The following SH3YL1 variants were observed in gnomAD, a reference collection of about 807,000 sequenced individuals.
SH3YL1 encodes the protein SH3 and SYLF domain containing 1.
Under a neutral mutation model 45.8 loss-of-function variants are expected in SH3YL1, and 41 were observed. That is an observed-to-expected ratio of 0.89 (90% CI 0.70 to 1.16). SH3YL1 has a LOEUF of 1.16. SH3YL1 is among the 50% of genes most tolerant of loss of function. The pLI, the probability that SH3YL1 is intolerant of heterozygous loss-of-function variation, is 0.00. For synonymous variants in SH3YL1, 152 were observed against 151.4 expected, an observed-to-expected ratio of 1.00 and a Z score of -0.03; for missense variants, 389 against 409.6, an observed-to-expected ratio of 0.95 and a Z score of 0.43.
chr2:234,726 C>T (rs1339283667), intron 4 of SH3YL1, among the ~76,000 whole-genome samples: 1 of 152,140 alleles, frequency 6.6e-6, no homozygotes, highest in Admixed American at 6.6e-5. Flanking sequence ...GCTGAAGGTC[C>T]TGAGAGCCTT....
In SH3YL1 at chr2:229,977, G is replaced by C. The variant is rs778782376; in HGVS notation, c.770C>G (p.Ser257Cys). The C allele has an allele frequency of 2.5e-6, 4 of 1,612,444 alleles. No individual in the cohort carries two copies. Among genetic ancestry groups the C allele is most frequent in the South Asian group, 1.1e-5 (1 of 90,884 alleles). Residue 257 changes from serine (S) to cysteine (C), a missense_variant, in exon 8 of 10, where the codon TCT (serine) becomes TGT (cysteine). Coordinates refer to ENST00000356150, the MANE Select transcript of SH3YL1 (RefSeq NM_015677.4). ...ACAAAAATATTTACTTTGAGAGCCA[G>C]AGTTCAGCTGGACTGGTGCAGATGA... ...QQSSAPVQLN[S>C]GSQSNRNEYK... is the part of the protein sequence containing the mutation.
At chr2:234,547 CA>C (rs1668201740) in intron 4 of SH3YL1, among the ~76,000 whole-genome samples, 1 of 152,196 alleles carries the variant, frequency 6.6e-6, no homozygotes, top group African/African-American at 2.4e-5. Context: ...ATCTTCCACA[CA>C]ACCTGGTCAT....
chr2:228,246 G>A (rs1433793634), intron 8 of SH3YL1, among the ~76,000 whole-genome samples: 2 of 152,090 alleles, frequency 1.3e-5, no homozygotes, highest in African/African-American at 2.4e-5. Flanking sequence ...AAATGGGGAG[G>A]GCACTGCCCA....
intron 1 of SH3YL1, among the ~76,000 whole-genome samples, chr2:253,625 G>A (rs768351294): frequency 2.0e-5 from 3 of 152,134 alleles, no homozygotes; most frequent in Non-Finnish European, 2.9e-5. Context: ...AATCCACTCC[G>A]TGTTTAGCAT....
chr2:236,872 C>G (rs1260743741), intron 4 of SH3YL1, among the ~76,000 whole-genome samples: 2 of 152,124 alleles, frequency 1.3e-5, no homozygotes, highest in African/African-American at 2.4e-5. Flanking sequence ...CAATTTGAAT[C>G]ATTTTATGAA....
chr2:218,605 T>C lies in SH3YL1; in HGVS notation c.*206A>G, dbSNP rs1251336023. The C allele has an allele frequency of 1.9e-6, 1 of 520,560 alleles. No individual in the cohort carries two copies. The highest frequency in any genetic ancestry group is 1.9e-5 in the African/African-American group (1 of 52,178). The allele number at this position is 520,560 out of a possible 1,614,324, so 32.2% of individuals were successfully genotyped here. On this transcript the variant is annotated 3_prime_UTR_variant, in exon 10 of 10. Transcript: ENST00000356150. ...AACTGTATGATATTCTATGACACAGTAAGTGTGATAAAGTTAGTACAAAGT... is the reference window on the plus strand; with the variant it reads ...AACTGTATGATATTCTATGACACAGCAAGTGTGATAAAGTTAGTACAAAGT...
rs1278989735 is a variant in SH3YL1, at chr2:262,857, A to G, written c.1+1127T>C. 5.1e-5 allele frequency: 25 copies of G among 490,826 alleles called. No individual in the cohort carries two copies. The South Asian group carries it at 5.6e-4, about 11-fold the overall frequency. 30.4% of individuals were successfully genotyped at this position (490,826 alleles called of 1,614,324 possible). On this transcript the variant is annotated intron_variant, in intron 1 of 9. Transcript: ENST00000356150. ...ATTTTAAACTTTTTTTTAACTTACA[A>G]AAGATGAGGGGTAACATTTACTAGT...
At chr2:257,491 T>A (rs1178523884) in intron 1 of SH3YL1, among the ~76,000 whole-genome samples, 2 of 152,134 alleles carry the variant, frequency 1.3e-5, no homozygotes, top group African/African-American at 2.4e-5. Context: ...AACTTAGGAG[T>A]ATGCATCTGT....
intron 1 of SH3YL1, chr2:263,669 C>T: frequency 2.9e-6 from 1 of 344,140 alleles, no homozygotes; most frequent in Non-Finnish European, 5.3e-6. Flanking sequence ...TTCTGTGGAA[C>T]GGAAGGATGG....
In SH3YL1 at chr2:229,723, C is replaced by T. The variant is rs7597084; in HGVS notation, c.781+243G>A. Among the ~76,000 whole-genome samples, 709 of 103,038 alleles carry T rather than the reference C, an allele frequency of 6.9e-3. 13 individuals are homozygous for T. Among genetic ancestry groups the T allele is most frequent in the African/African-American group, 0.024 (667 of 27,960 alleles). 67.6% of individuals were successfully genotyped at this position (103,038 alleles called of 152,430 possible). A position where few individuals can be genotyped will look rare whatever the true frequency, so the allele number is the denominator to read the frequency against. On this transcript the variant is annotated intron_variant, in intron 8 of 9. Transcript: ENST00000356150. ...CAGCCTGGGCGACAGAGCGAGACTC[C>T]GTCTCAAAAAAAAAAAAAAAAAAAA...
At chr2:224,409 G>C (rs1667706841) in intron 9 of SH3YL1, among the ~76,000 whole-genome samples, 1 of 152,198 alleles carries the variant, frequency 6.6e-6, no homozygotes, top group Non-Finnish European at 1.5e-5. Context: ...GAATAAGGAT[G>C]AAATTGTAAT....
intron 4 of SH3YL1, chr2:242,865 T>G: frequency 6.7e-7 from 1 of 1,502,370 alleles, no homozygotes; most frequent in African/African-American, 1.4e-5. Context: ...AAAGCTGGAG[T>G]GGCACTCTTT....
chr2:225,030 A>G, intron 8 of SH3YL1, 110 bp from the exon 9 acceptor site: 2 of 794,666 alleles, frequency 2.5e-6, no homozygotes, highest in East Asian at 4.9e-5. Context: ...TTAAATCACT[A>G]AGTTGATAGG....
chr2:230,950 A>G (rs771326670), intron 7 of SH3YL1, 73 bp downstream of exon 7: 8 of 1,466,488 alleles, frequency 5.5e-6, no homozygotes, highest in South Asian at 2.3e-5. Flanking sequence ...TAGGAACCTG[A>G]TATCAGGGAC....
At chr2:250,130 GCTAT>G (rs760421995) in intron 2 of SH3YL1, among the ~76,000 whole-genome samples, 1 of 152,116 alleles carries the variant, frequency 6.6e-6, no homozygotes, top group Non-Finnish European at 1.5e-5. Flanking sequence ...AGATTTTATT[GCTAT>G]CTATTAGCAG....
chr2:231,359 T>C (rs1366318460), intron 6 of SH3YL1, among the ~76,000 whole-genome samples, 168 bp from the exon 7 acceptor site: 1 of 152,188 alleles, frequency 6.6e-6, no homozygotes, highest in Non-Finnish European at 1.5e-5. Context: ...TGTTCAAGTC[T>C]TAAATGTACC....
intron 5 of SH3YL1, 147 bp downstream of exon 5, chr2:234,013 C>T: frequency 5.0e-6 from 3 of 595,624 alleles, no homozygotes; most frequent in East Asian, 2.9e-5. Context: ...TGTGAATTTC[C>T]TATTTGTGAT....
At chr2:238,782 T>C (rs900477782) in intron 4 of SH3YL1, among the ~76,000 whole-genome samples, 1 of 152,202 alleles carries the variant, frequency 6.6e-6, no homozygotes, top group Non-Finnish European at 1.5e-5. Flanking sequence ...CTTCTCACAA[T>C]CTCAACTCTC....
chr2:244,577 A>G (rs1160241333), intron 4 of SH3YL1: 1 of 151,894 alleles, frequency 6.6e-6, no homozygotes, highest in Non-Finnish European at 1.5e-5. Flanking sequence ...AAAAAGAAAG[A>G]AAGAAAGGCA....
Sources: gnomAD v4.1 joint callset for allele counts (sites outside exome capture counted in the v4.1 genomes callset) on GRCh38, gnomAD v4.1.1 for gene constraint, MANE v1.5 for transcripts, NCBI Gene and HGNC (gene_info 2026-07-23, HGNC 2026-07-21) for gene names.